Variants in FSIP2 observed in about 807,000 individuals in gnomAD.
The protein encoded by FSIP2 is fibrous sheath-interacting protein 2.
FSIP2 carries 367 observed loss-of-function variants against 510.5 expected under a neutral mutation model. That is an observed-to-expected ratio of 0.72 (90% CI 0.66 to 0.78). FSIP2 has a LOEUF of 0.78. Among genes scored for constraint, FSIP2 ranks in the 30% least tolerant of loss-of-function variants. FSIP2 has a pLI of 0.00. For missense variants in FSIP2, 7,594 were observed against 7,901.7 expected, an observed-to-expected ratio of 0.96 and a Z score of 1.48; for synonymous variants, 2,601 against 2,732.2, an observed-to-expected ratio of 0.95 and a Z score of 1.50.
rs556691802 is a variant in FSIP2 at position 185,776,764 on chromosome 2, C to A, written c.1412-5941C>A. On this transcript the variant is annotated intron_variant, in intron 13 of 22. Transcript: ENST00000424728. The stretch of plus-strand genomic sequence containing the variant: ...TTATTATTATTTTGAGACAGAGTCT[C>A]GCTCTGTTGCCCAGGCTGGAGTTGC... Among the ~76,000 whole-genome samples the A allele has an allele frequency of 2.6e-5, 4 of 152,238 alleles. No homozygotes were observed. In the East Asian group the frequency reaches 7.7e-4, roughly 29 times the overall value.
At position 185,795,179 on chromosome 2, in the gene FSIP2, C is replaced by T. The variant is rs1693238188; in HGVS notation, c.8043C>T (p.His2681=). ...TGCCTAAATTTACAAAAAAAACACA[C>T]TTAGGACTGAGTGCTGCTAAGGCCA... ...TTLPKFTKKT[H]LGLSAAKAKS... The change falls in exon 16 of 23, where the codon CAC becomes CAT. Residue 2681 remains histidine, a synonymous_variant. Transcript: ENST00000424728. The T allele has an allele frequency of 6.5e-7, 1 of 1,534,588 alleles. No homozygotes were observed. Among genetic ancestry groups the T allele is most frequent in the Non-Finnish European group, 8.7e-7 (1 of 1,146,078 alleles).
At position 185,784,033 on chromosome 2, in the gene FSIP2, T is replaced by C. The variant is rs1024755468; in HGVS notation, c.1469+1271T>C. The C allele has an allele frequency of 3.9e-5, 6 of 152,194 alleles. No individual in the cohort carries two copies. In the East Asian group the frequency reaches 1.2e-3, roughly 29 times the overall value. The allele number at this position is 152,194 out of a possible 1,614,324, so 9.4% of individuals were successfully genotyped here. A position where few individuals can be genotyped will look rare whatever the true frequency, so the allele number is the denominator to read the frequency against. On this transcript the variant is annotated intron_variant, in intron 14 of 22. Coordinates refer to ENST00000424728, the MANE Select transcript of FSIP2 (RefSeq NM_173651.4). ...AAAGACACATATGTCACATTCCTCT[T>C]GCTCAGGTTTAACTGCAGGTTTTAC...
intron 19 of FSIP2, among the ~76,000 whole-genome samples, chr2:185,816,352 T>C (rs1317498810): frequency 2.0e-5 from 3 of 152,068 alleles, no homozygotes; most frequent in South Asian, 2.1e-4. Context: ...AACCTCTTTA[T>C]TGGTTATATT....
In FSIP2 at chr2:185,805,799, T is replaced by C. The variant is rs201068062; in HGVS notation, c.16493T>C (p.Ile5498Thr). Residue 5498 changes from isoleucine to threonine, a missense_variant, in exon 17 of 23, where the codon ATT (isoleucine) becomes ACT (threonine). Transcript: ENST00000424728. ...QNPVLSSINA[I>T]MKSGMINLTS... is the part of the protein sequence containing the mutation. ...CCAGTACTTAGCTCTATAAATGCAA[T>C]TATGAAAAGCGGCATGATTAACCTA... 204 of 1,603,216 alleles carry C rather than the reference T, an allele frequency of 1.3e-4. 1 individual carries two copies. The highest frequency in any genetic ancestry group is 1.6e-4 in the Non-Finnish European group (193 of 1,176,460).
At position 185,800,862 on chromosome 2, in the gene FSIP2, G is replaced by A; in HGVS notation, c.11556G>A (p.Met3852Ile). The change falls in exon 17 of 23, where the codon ATG (methionine) becomes ATA (isoleucine). Residue 3852 changes from methionine (M) to isoleucine (I), a missense_variant. By Grantham distance (10) the Met-to-Ile change is conservative (BLOSUM62 1). Transcript: ENST00000424728. ...IISHSLVKSL[M>I]DKLSHSIQQA... Reference sequence around the variant, plus strand: ...CCCACAGCTTGGTTAAATCATTGATGGACAAATTATCTCACAGCATACAAC... The same window carrying A: ...CCCACAGCTTGGTTAAATCATTGATAGACAAATTATCTCACAGCATACAAC... 3 of 1,534,182 alleles carry A rather than the reference G, an allele frequency of 2.0e-6. No individual in the cohort carries two copies. Among genetic ancestry groups the A allele is most frequent in the Non-Finnish European group, 2.6e-6 (3 of 1,145,630 alleles).
At chr2:185,738,777 C>T (rs1431821368), upstream of FSIP2, 50 of 1,535,780 alleles carry the variant, frequency 3.3e-5, no homozygotes, top group Non-Finnish European at 4.1e-5. Flanking sequence ...ACGCGGGGGG[C>T]GGGGCTGAGG....
rs1693551756 is a variant in FSIP2 at position 185,805,705 on chromosome 2, G to T, written c.16399G>T (p.Gly5467Cys). ...NMMSTLEINR[G>C]TMNRKKSFKT... ...GATGAGCACTTTGGAAATAAATAGA[G>T]GTACAATGAATAGAAAGAAAAGTTT... The change falls in exon 17 of 23, where the codon GGT becomes TGT. Residue 5467 changes from glycine (G) to cysteine (C), a missense_variant. Transcript: ENST00000424728. The T allele has an allele frequency of 6.2e-7, 1 of 1,608,640 alleles. No homozygotes were observed. Among genetic ancestry groups the T allele is most frequent in the South Asian group, 1.1e-5 (1 of 90,294 alleles).
intron 19 of FSIP2, among the ~76,000 whole-genome samples, chr2:185,819,552 A>G (rs1440547718): frequency 2.0e-5 from 3 of 151,922 alleles, no homozygotes; most frequent in African/African-American, 7.2e-5. Flanking sequence ...ATGACATTGT[A>G]TGATGATAAC....
In FSIP2 at chr2:185,795,194, T is replaced by C. The variant is rs1448396620; in HGVS notation, c.8058T>C (p.Ala2686=). 2 of 1,534,778 alleles carry C rather than the reference T, an allele frequency of 1.3e-6. No homozygotes were observed. Among genetic ancestry groups the C allele is most frequent in the East Asian group, 4.9e-5 (2 of 40,860 alleles). ...FTKKTHLGLS[A]AKAKSKTKLG... is the part of the protein sequence containing the mutation. ...AAAAAACACACTTAGGACTGAGTGCTGCTAAGGCCAAAAGCAAAACCAAGT... is the reference window on the plus strand; with the variant it reads ...AAAAAACACACTTAGGACTGAGTGCCGCTAAGGCCAAAAGCAAAACCAAGT... The change falls in exon 16 of 23, where the codon GCT becomes GCC. Residue 2686 remains alanine, a synonymous_variant. Transcript: ENST00000424728.
intron 13 of FSIP2, among the ~76,000 whole-genome samples, chr2:185,777,878 T>C (rs895648247): frequency 6.6e-6 from 1 of 152,120 alleles, no homozygotes; most frequent in African/African-American, 2.4e-5. Flanking sequence ...GAGTTAATTA[T>C]GTTGCCTGCT....
intron 9 of FSIP2, among the ~76,000 whole-genome samples, chr2:185,758,637 A>G (rs1038752680): frequency 6.6e-6 from 1 of 151,098 alleles, no homozygotes; most frequent in Non-Finnish European, 1.5e-5. Context: ...CACCTTTGTT[A>G]TAGCTCTAGA....
At chr2:185,827,401 A>C (rs1694032617) in intron 20 of FSIP2, among the ~76,000 whole-genome samples, 1 of 151,856 alleles carries the variant, frequency 6.6e-6, no homozygotes, top group South Asian at 2.1e-4. Flanking sequence ...AGACAGTCTC[A>C]TTCCTATACT....
chr2:185,782,942 T>G (rs1017376068), intron 14 of FSIP2, among the ~76,000 whole-genome samples, 180 bp downstream of exon 14: 7 of 152,190 alleles, frequency 4.6e-5, no homozygotes, highest in Non-Finnish European at 7.3e-5. Flanking sequence ...AGTGAATCAT[T>G]GTCCTTTCCT....
rs1693055863 is a variant in FSIP2, at chr2:185,789,064, G to A, written c.1928G>A (p.Cys643Tyr). The stretch of plus-strand genomic sequence containing the variant: ...TATTCATACCCTAAGCTCAGAAGTT[G>A]TAAATCAGATAGTCACCTTTTAGCA... ...LLYSYPKLRS[C>Y]KSDSHLLASF... is the part of the protein sequence containing the mutation. Residue 643 changes from cysteine to tyrosine, a missense_variant, in exon 16 of 23, where the codon TGT (cysteine) becomes TAT (tyrosine). By Grantham distance (194) the Cys-to-Tyr change is radical. Coordinates refer to ENST00000424728, the MANE Select transcript of FSIP2 (RefSeq NM_173651.4). 1 of 1,534,438 alleles carries A rather than the reference G, an allele frequency of 6.5e-7. No individual in the cohort carries two copies. The highest frequency in any genetic ancestry group is 2.0e-5 in the Admixed American group (1 of 50,876).
At chr2:185,756,311 A>T in intron 9 of FSIP2, 33 bp downstream of exon 9, 1 of 771,024 alleles carries the variant, frequency 1.3e-6, no homozygotes, top group South Asian at 2.4e-5. Flanking sequence ...AACACTAGAT[A>T]CTAAACAATA....
intron 14 of FSIP2, chr2:185,783,977 A>T (rs1692909919): frequency 6.6e-6 from 1 of 152,192 alleles, no homozygotes; most frequent in Admixed American, 6.5e-5. Context: ...CCACTGCTCC[A>T]AGAGCATACA....
chr2:185,794,571 G>C lies in FSIP2; in HGVS notation c.7435G>C (p.Glu2479Gln). 5.2e-6 allele frequency: 8 copies of C among 1,531,060 alleles called. No homozygotes were observed. The highest frequency in any genetic ancestry group is 7.0e-6 in the Non-Finnish European group (8 of 1,144,666). 94.8% of individuals were successfully genotyped at this position (1,531,060 alleles called of 1,614,324 possible). A position where few individuals can be genotyped will look rare whatever the true frequency, so the allele number is the denominator to read the frequency against. Residue 2479 changes from glutamate (E) to glutamine (Q), a missense_variant, in exon 16 of 23, where the codon GAA becomes CAA. Coordinates refer to ENST00000424728, the MANE Select transcript of FSIP2 (RefSeq NM_173651.4). ...GAGAAATGGAGAATCAAAAAACAAA[G>C]AAAAAGGTGAACTGCTCATTGCAGT... ...FMRNGESKNKEKGELLIAVEE... is the reference protein window; with the variant it reads ...FMRNGESKNKQKGELLIAVEE...
At chr2:185,759,091 T>C (rs1172630572) in intron 9 of FSIP2, among the ~76,000 whole-genome samples, 1 of 151,132 alleles carries the variant, frequency 6.6e-6, no homozygotes. Context: ...GGTGATTGTG[T>C]ACATCTTAAT....
At position 185,759,623 on chromosome 2, in the gene FSIP2, A is replaced by G. The variant is rs1218993304; in HGVS notation, c.1079-1365A>G. ...CTATATTATTAATATAATGGTCAGTATAATATTAATAATATTGTTATATAT... is the reference window on the plus strand; with the variant it reads ...CTATATTATTAATATAATGGTCAGTGTAATATTAATAATATTGTTATATAT... On this transcript the variant is annotated intron_variant, in intron 9 of 22. Transcript: ENST00000424728. Among the ~76,000 whole-genome samples, 3 of 146,080 alleles carry G rather than the reference A, an allele frequency of 2.1e-5. No individual in the cohort carries two copies. The East Asian group carries it at 5.9e-4, about 29-fold the overall frequency.
Sources: allele counts gnomAD v4.1 joint callset (sites outside exome capture counted in the v4.1 genomes callset), GRCh38; gene constraint gnomAD v4.1.1; transcripts MANE v1.5; gene names NCBI Gene and HGNC (gene_info 2026-07-23, HGNC 2026-07-21).